Variants in ITFG1 observed in about 807,000 individuals in gnomAD.
ITFG1 encodes the protein T-cell immunomodulatory protein.
ITFG1 carries 34 observed loss-of-function variants against 81.8 expected under a neutral mutation model. The ratio of observed to expected loss-of-function variants is 0.42; its 90% confidence interval spans 0.32 to 0.55. The LOEUF (loss-of-function observed/expected upper bound fraction) is 0.55. ITFG1 is among the 20% of genes least tolerant of loss of function. ITFG1 has a pLI of 0.17. For synonymous variants in ITFG1, 285 were observed against 270.6 expected, an observed-to-expected ratio of 1.05 and a Z score of -0.52; for missense variants, 672 against 755.4, an observed-to-expected ratio of 0.89 and a Z score of 1.29.
At chr16:47,353,465 G>C (rs1967994790) in intron 8 of ITFG1, among the ~76,000 whole-genome samples, 1 of 151,920 alleles carries the variant, frequency 6.6e-6, no homozygotes, top group Non-Finnish European at 1.5e-5. Flanking sequence ...AAAGTTGAAA[G>C]AAAGCTTTTC....
intron 5 of ITFG1, among the ~76,000 whole-genome samples, chr16:47,443,155 C>G (rs535112248): frequency 7.2e-5 from 11 of 152,324 alleles, no homozygotes; most frequent in East Asian, 5.8e-4. Flanking sequence ...AAATGCTCAT[C>G]ATCACTGGCC....
At chr16:47,342,833 C>A (rs1967802591) in intron 8 of ITFG1, among the ~76,000 whole-genome samples, 1 of 152,010 alleles carries the variant, frequency 6.6e-6, no homozygotes, top group Non-Finnish European at 1.5e-5. Flanking sequence ...ATATAACATT[C>A]CTGAAAATTC....
intron 8 of ITFG1, among the ~76,000 whole-genome samples, chr16:47,340,753 C>A (rs1375137357): frequency 6.6e-6 from 1 of 152,016 alleles, no homozygotes; most frequent in East Asian, 1.9e-4. Flanking sequence ...AAAACATGGT[C>A]CAACTATATG....
intron 6 of ITFG1, among the ~76,000 whole-genome samples, chr16:47,419,788 A>G (rs1372153345): frequency 3.3e-5 from 5 of 151,400 alleles, no homozygotes; most frequent in African/African-American, 9.7e-5. Flanking sequence ...TTTTTAGTAG[A>G]GATGAGGTTT....
In ITFG1 at chr16:47,354,600, A is replaced by G. The variant is rs549863909; in HGVS notation, c.802+11188T>C. On this transcript the variant is annotated intron_variant, in intron 8 of 17. Transcript: ENST00000320640. Reference sequence around the variant, plus strand: ...CTTCTGCACATCAAAGGAAACAAGTAAGAGTGATGAGACAACCTAAAAAAT... The same window carrying G: ...CTTCTGCACATCAAAGGAAACAAGTGAGAGTGATGAGACAACCTAAAAAAT... Among the ~76,000 whole-genome samples, 3 of 152,238 alleles carry G rather than the reference A, an allele frequency of 2.0e-5. No homozygotes were observed. The South Asian group carries it at 6.2e-4, about 32-fold the overall frequency.
intron 10 of ITFG1, among the ~76,000 whole-genome samples, chr16:47,280,879 A>G (rs1020724873): frequency 2.0e-5 from 3 of 152,146 alleles, no homozygotes; most frequent in African/African-American, 7.2e-5. Context: ...TGGTGAATAC[A>G]TCCAGTTGTG....
At chr16:47,223,919 C>T (rs1019887736) in intron 13 of ITFG1, among the ~76,000 whole-genome samples, 1 of 151,992 alleles carries the variant, frequency 6.6e-6, no homozygotes, top group Admixed American at 6.6e-5. Flanking sequence ...TTTGTAGGGA[C>T]ATGGATGAAA....
rs746589910 is a variant in ITFG1 at position 47,452,807 on chromosome 16, T to C, written c.428-17A>G. 48 of 1,355,264 alleles carry C rather than the reference T, an allele frequency of 3.5e-5. No homozygotes were observed. Among genetic ancestry groups the C allele is most frequent in the South Asian group, 1.8e-4 (13 of 73,348 alleles). 84.0% of individuals were successfully genotyped at this position (1,355,264 alleles called of 1,614,324 possible). A position where few individuals can be genotyped will look rare whatever the true frequency, so the allele number is the denominator to read the frequency against. On this transcript the variant is annotated splice_polypyrimidine_tract_variant and intron_variant, in intron 3 of 17. Coordinates refer to ENST00000320640, the MANE Select transcript of ITFG1 (RefSeq NM_030790.5). ...TGTTAGGATCTGCAAAAAAGATATATATATATATGAATTAGCAGGCATTTT... is the reference window on the plus strand; with the variant it reads ...TGTTAGGATCTGCAAAAAAGATATACATATATATGAATTAGCAGGCATTTT...
At chr16:47,245,885 C>T (rs1965996892) in intron 12 of ITFG1, among the ~76,000 whole-genome samples, 1 of 151,516 alleles carries the variant, frequency 6.6e-6, no homozygotes, top group Non-Finnish European at 1.5e-5. Context: ...TCGGACCATA[C>T]TCACGGTCAC....
At chr16:47,316,194 CT>C (rs1227344071) in intron 8 of ITFG1, among the ~76,000 whole-genome samples, 2 of 152,168 alleles carry the variant, frequency 1.3e-5, no homozygotes, top group East Asian at 3.9e-4. Flanking sequence ...AGGAGAGAAG[CT>C]TTTAAATTGA....
At chr16:47,232,177 CTGT>C (rs1965822862) in intron 13 of ITFG1, among the ~76,000 whole-genome samples, 1 of 152,176 alleles carries the variant, frequency 6.6e-6, no homozygotes, top group Non-Finnish European at 1.5e-5. Context: ...ACCTCTAGAA[CTGT>C]AAGAGAATAA....
At chr16:47,439,423 G>T (rs1969215080) in intron 5 of ITFG1, among the ~76,000 whole-genome samples, 1 of 152,100 alleles carries the variant, frequency 6.6e-6, no homozygotes, top group Admixed American at 6.6e-5. Flanking sequence ...AAATGTTAAG[G>T]ACAGCCAGAG....
chr16:47,248,652 GC>G (rs1966030296), intron 12 of ITFG1, among the ~76,000 whole-genome samples: 1 of 152,116 alleles, frequency 6.6e-6, no homozygotes, highest in African/African-American at 2.4e-5. Context: ...CATCACCTGT[GC>G]TTCAGTTAGG....
intron 5 of ITFG1, among the ~76,000 whole-genome samples, chr16:47,450,794 G>C (rs1969379035): frequency 6.6e-6 from 1 of 152,158 alleles, no homozygotes; most frequent in African/African-American, 2.4e-5. Context: ...GAATTCTTGT[G>C]CTACGAGACC....
intron 13 of ITFG1, among the ~76,000 whole-genome samples, chr16:47,234,540 C>A (rs879103448): frequency 5.3e-5 from 8 of 151,846 alleles, no homozygotes; most frequent in African/African-American, 1.9e-4. Flanking sequence ...GACCTCAAGC[C>A]ACAGAACCAG....
At chr16:47,253,455 A>G (rs931896715) in intron 12 of ITFG1, among the ~76,000 whole-genome samples, 1 of 152,164 alleles carries the variant, frequency 6.6e-6, no homozygotes, top group Non-Finnish European at 1.5e-5. Flanking sequence ...TTAATGATGT[A>G]AAGGCTACAT....
intron 16 of ITFG1, among the ~76,000 whole-genome samples, chr16:47,160,953 T>TA (rs1351484761): frequency 6.6e-6 from 1 of 152,156 alleles, no homozygotes; most frequent in Non-Finnish European, 1.5e-5. Context: ...AGAGGGAATG[T>TA]AACAAGCAGG....
At chr16:47,436,981 A>G (rs1567499846) in intron 5 of ITFG1, among the ~76,000 whole-genome samples, 1 of 152,230 alleles carries the variant, frequency 6.6e-6, no homozygotes, top group Admixed American at 6.5e-5. Context: ...TAATCAAGTA[A>G]AAGTAGGCTA....
chr16:47,427,076 T>A (rs1969030173), intron 6 of ITFG1, among the ~76,000 whole-genome samples: 1 of 152,156 alleles, frequency 6.6e-6, no homozygotes, highest in African/African-American at 2.4e-5. Flanking sequence ...GGGAGTTCTT[T>A]TTAACAGAAA....
Sources: allele counts gnomAD v4.1 joint callset (sites outside exome capture counted in the v4.1 genomes callset), GRCh38; gene constraint gnomAD v4.1.1; transcripts MANE v1.5; gene names NCBI Gene and HGNC (gene_info 2026-07-23, HGNC 2026-07-21).